Variants in EPHA5 observed in about 807,000 individuals in gnomAD.
EPHA5 encodes the protein ephrin type-A receptor 5.
EPHA5 carries 60 observed loss-of-function variants against 105.0 expected under a neutral mutation model. The observed-to-expected ratio is 0.57, with a 90% CI of 0.46 to 0.71. EPHA5 has a LOEUF of 0.71. EPHA5 is among the 30% of genes least tolerant of loss of function. The pLI is 0.00. For missense variants in EPHA5, 1,218 were observed against 1,274.7 expected (o/e 0.96, Z 0.68); for synonymous variants, 513 against 449.1 (o/e 1.14, Z -1.80).
At chr4:65,564,028 C>T (rs1258022124) in intron 3 of EPHA5, among the ~76,000 whole-genome samples, 2 of 151,904 alleles carry the variant, frequency 1.3e-5, no homozygotes, top group South Asian at 2.1e-4. Flanking sequence ...ACAAAATTAT[C>T]ATCTGTTGTT....
In EPHA5 at chr4:65,322,884, A is replaced by C. The variant is rs891159689; in HGVS notation, c.*1230T>G. 1.3e-5 allele frequency: 3 copies of C among 229,228 alleles called. No individual in the cohort carries two copies. The highest frequency in any genetic ancestry group is 4.4e-5 in the African/African-American group (2 of 45,020). The allele number at this position is 229,228 out of a possible 1,614,324, so 14.2% of individuals were successfully genotyped here. A position where few individuals can be genotyped will look rare whatever the true frequency, so the allele number is the denominator to read the frequency against. ...TGTCATAATTCCATTGCTGCCTTAG[A>C]GTCAAAATTTCTAGAACTGAGTCAA... is the stretch of plus-strand genomic sequence containing the variant. On this transcript the variant is annotated 3_prime_UTR_variant, in exon 17 of 17. Coordinates refer to ENST00000613740, the MANE Select transcript of EPHA5 (RefSeq NM_001281766.3).
chr4:65,394,718 A>G (rs1462711921), intron 8 of EPHA5, among the ~76,000 whole-genome samples: 1 of 152,168 alleles, frequency 6.6e-6, no homozygotes, highest in Non-Finnish European at 1.5e-5. Context: ...GCAAGAAGAT[A>G]ATTTTATCAG....
intron 2 of EPHA5, among the ~76,000 whole-genome samples, chr4:65,627,580 G>T (rs1003385761): frequency 2.6e-5 from 4 of 152,156 alleles, no homozygotes; most frequent in African/African-American, 7.2e-5. Flanking sequence ...ATATGCACTT[G>T]ATGGAATGTG....
chr4:65,582,446 C>T (rs1290021290), intron 3 of EPHA5, among the ~76,000 whole-genome samples: 1 of 148,804 alleles, frequency 6.7e-6, no homozygotes, highest in Non-Finnish European at 1.5e-5. Context: ...TCATTTTTGC[C>T]TGGACACCAA....
At chr4:65,340,071 C>T (rs1185855606) in intron 14 of EPHA5, among the ~76,000 whole-genome samples, 2 of 152,084 alleles carry the variant, frequency 1.3e-5, no homozygotes, top group South Asian at 2.1e-4. Flanking sequence ...AATATTGTAT[C>T]GTGACATGGT....
At chr4:65,372,727 T>C (rs902421904) in intron 8 of EPHA5, among the ~76,000 whole-genome samples, 1 of 151,892 alleles carries the variant, frequency 6.6e-6, no homozygotes, top group Non-Finnish European at 1.5e-5. Context: ...AACAACCCTA[T>C]GATTAATGCC....
intron 3 of EPHA5, among the ~76,000 whole-genome samples, chr4:65,580,710 G>A (rs1254090577): frequency 6.6e-6 from 1 of 151,412 alleles, no homozygotes; most frequent in African/African-American, 2.4e-5. Context: ...CCCTCAAAGA[G>A]GACAAAAGTT....
intron 3 of EPHA5, among the ~76,000 whole-genome samples, chr4:65,509,660 A>G (rs1733407076): frequency 6.6e-6 from 1 of 152,188 alleles, no homozygotes; most frequent in Non-Finnish European, 1.5e-5. Context: ...TATTTATCAG[A>G]ACATTCACAC....
chr4:65,441,537 G>A lies in EPHA5; in HGVS notation c.1403-20972C>T, dbSNP rs369133554. Among the ~76,000 whole-genome samples the A allele has an allele frequency of 6.2e-4, 94 of 152,038 alleles. 1 individual carries two copies. The South Asian group carries it at 0.019, about 31-fold the overall frequency. On this transcript the variant is annotated intron_variant, in intron 5 of 16. Transcript: ENST00000613740. Reference sequence around the variant, plus strand: ...TAGGAAAATTTTTAAAAAAGGCAGAGTGGAAGAAAGGAAAAAAGGGAGAGA... The same window carrying A: ...TAGGAAAATTTTTAAAAAAGGCAGAATGGAAGAAAGGAAAAAAGGGAGAGA...
At chr4:65,450,082 G>C (rs1726930697) in intron 5 of EPHA5, among the ~76,000 whole-genome samples, 1 of 152,130 alleles carries the variant, frequency 6.6e-6, no homozygotes, top group East Asian at 1.9e-4. Context: ...AAATGCAAAA[G>C]AGTCATGAAT....
intron 3 of EPHA5, among the ~76,000 whole-genome samples, chr4:65,545,727 C>T (rs1430393384): frequency 6.6e-6 from 1 of 151,814 alleles, no homozygotes; most frequent in Non-Finnish European, 1.5e-5. Context: ...TTATATATGC[C>T]ACACATATAA....
At chr4:65,530,808 C>A (rs987162647) in intron 3 of EPHA5, among the ~76,000 whole-genome samples, 4 of 152,080 alleles carry the variant, frequency 2.6e-5, no homozygotes, top group African/African-American at 9.7e-5. Flanking sequence ...ACTACCCATT[C>A]TTTCCTTTTT....
chr4:65,539,425 G>A lies in EPHA5; in HGVS notation c.911-43882C>T, dbSNP rs537024492. ...CATAAACAAGAAAGAATGTCTAGGT[G>A]TGACAAAATGATCCTTCTTTAATTG... On this transcript the variant is annotated intron_variant, in intron 3 of 16. Coordinates refer to ENST00000613740, the MANE Select transcript of EPHA5 (RefSeq NM_001281766.3). Among the ~76,000 whole-genome samples the A allele has an allele frequency of 1.2e-3, 184 of 151,748 alleles. 2 individuals carry two copies. Among genetic ancestry groups the A allele is most frequent in the African/African-American group, 4.0e-3 (164 of 41,504 alleles).
intron 11 of EPHA5, among the ~76,000 whole-genome samples, chr4:65,360,895 T>C (rs1717241558): frequency 6.6e-6 from 1 of 151,510 alleles, no homozygotes; most frequent in Non-Finnish European, 1.5e-5. Flanking sequence ...CCTATGCTAG[T>C]TTCAACGAGC....
At chr4:65,613,764 T>C (rs980397161) in intron 2 of EPHA5, among the ~76,000 whole-genome samples, 4 of 152,048 alleles carry the variant, frequency 2.6e-5, no homozygotes, top group African/African-American at 9.7e-5. Flanking sequence ...ACCTCACTTA[T>C]GGAAGTTTAA....
At chr4:65,611,524 CAAAAA>C (rs5858974) in intron 2 of EPHA5, among the ~76,000 whole-genome samples, 5 of 117,850 alleles carry the variant, frequency 4.2e-5, no homozygotes, top group East Asian at 2.6e-4. Flanking sequence ...GTTGTTCTGG[CAAAAA>C]AAAAAAAAAA....
chr4:65,540,544 T>C (rs917435809), intron 3 of EPHA5, among the ~76,000 whole-genome samples: 6 of 151,432 alleles, frequency 4.0e-5, no homozygotes, highest in African/African-American at 1.5e-4. Flanking sequence ...TATTTTTAAA[T>C]AATGAAAGAG....
intron 5 of EPHA5, among the ~76,000 whole-genome samples, chr4:65,480,230 A>G (rs1256764638): frequency 6.6e-6 from 1 of 152,190 alleles, no homozygotes; most frequent in Admixed American, 6.5e-5. Context: ...CATTTAATAA[A>G]TTATAGGTAG....
intron 14 of EPHA5, among the ~76,000 whole-genome samples, chr4:65,343,966 GA>G (rs1325189381): frequency 1.1e-4 from 16 of 151,578 alleles, no homozygotes; most frequent in African/African-American, 3.9e-4. Flanking sequence ...TCAAATAGCT[GA>G]AATCAGGAAA....
Sources: allele counts gnomAD v4.1 joint callset (sites outside exome capture counted in the v4.1 genomes callset), GRCh38; gene constraint gnomAD v4.1.1; transcripts MANE v1.5; gene names NCBI Gene and HGNC (gene_info 2026-07-23, HGNC 2026-07-21).